The following C5orf24 variants were observed in gnomAD, a reference collection of about 807,000 sequenced individuals.
The protein encoded by C5orf24 is chromosome 5 open reading frame 24.
C5orf24 carries 4 observed loss-of-function variants against 9.8 expected under a neutral mutation model. The observed-to-expected ratio is 0.41, with a 90% CI of 0.20 to 0.93. C5orf24 has a LOEUF of 0.93. Among genes scored for constraint, C5orf24 ranks in the 40% least tolerant of loss-of-function variants. The probability of loss-of-function intolerance (pLI) is 0.33; values close to 1 mark genes in which losing one functional copy is unlikely to be tolerated. For synonymous variants in C5orf24, 73 were observed against 81.3 expected, an observed-to-expected ratio of 0.90 and a Z score of 0.55; for missense variants, 170 against 236.9, an observed-to-expected ratio of 0.72 and a Z score of 1.85.
rs552406540 is a variant in C5orf24, at chr5:134,857,346, T to A, written c.*1879T>A. 240 of 1,545,740 alleles carry A rather than the reference T, an allele frequency of 1.6e-4. 1 individual carries two copies. The African/African-American group carries it at 2.9e-3, about 19-fold the overall frequency. ...GCAAATGGATGTCATGTTTCATACCTTTTTTATCAGGAAAAAAGCAGCAAG... is the reference window on the plus strand; with the variant it reads ...GCAAATGGATGTCATGTTTCATACCATTTTTATCAGGAAAAAAGCAGCAAG... On this transcript the variant is annotated 3_prime_UTR_variant, in exon 2 of 2. Coordinates refer to ENST00000394976, the MANE Select transcript of C5orf24 (RefSeq NM_001135586.1).
chr5:134,847,192 G>A (rs1457770046), intron 1 of C5orf24, among the ~76,000 whole-genome samples: 1 of 152,228 alleles, frequency 6.6e-6, no homozygotes, highest in African/African-American at 2.4e-5. Flanking sequence ...AGGATGGTAA[G>A]TTTTAGCTTA....
At chr5:134,837,253 G>A in the C5orf24 span, among the ~76,000 whole-genome samples, 6 of 152,172 alleles carry the variant, frequency 3.9e-5, no homozygotes, top group Non-Finnish European at 8.8e-5. Flanking sequence ...GACTATAGGC[G>A]TGAGCCACTG....
chr5:134,856,398 T>C lies in C5orf24; in HGVS notation c.*931T>C. The C allele has an allele frequency of 1.2e-6, 1 of 835,730 alleles. No individual in the cohort carries two copies. The highest frequency in any genetic ancestry group is 1.5e-6 in the Non-Finnish European group (1 of 680,296). The allele number at this position is 835,730 out of a possible 1,614,324, so 51.8% of individuals were successfully genotyped here. A position where few individuals can be genotyped will look rare whatever the true frequency, so the allele number is the denominator to read the frequency against. On this transcript the variant is annotated 3_prime_UTR_variant, in exon 2 of 2. Transcript: ENST00000394976. ...GTGTGGTGGCTCACACCCAGCACTT[T>C]GGGAGGCCGAGGCAGGCGGATCACT...
upstream of C5orf24, among the ~76,000 whole-genome samples, chr5:134,844,840 C>T (rs1362100372): frequency 6.6e-6 from 1 of 152,188 alleles, no homozygotes; most frequent in African/African-American, 2.4e-5. Context: ...TGGGTTCAAG[C>T]GATCCTCCTG....
the C5orf24 span, among the ~76,000 whole-genome samples, chr5:134,839,117 C>T: frequency 6.6e-6 from 1 of 151,758 alleles, no homozygotes; most frequent in Non-Finnish European, 1.5e-5. Context: ...TGGAGGATCC[C>T]CTGAGCCTGG....
At chr5:134,854,709 T>C (rs981594152) in intron 1 of C5orf24, among the ~76,000 whole-genome samples, 189 bp from the exon 2 acceptor site, 58 of 152,176 alleles carry the variant, frequency 3.8e-4, no homozygotes, top group African/African-American at 1.3e-3. Flanking sequence ...CATGATTAAA[T>C]TGAGAAGAAG....
In C5orf24 at chr5:134,857,159, A is replaced by C; in HGVS notation, c.*1692A>C. ...ATATTATAAACTTCAGACTTGAAAA[A>C]ATTCCACTTAACTTTAAAGTTACAA... On this transcript the variant is annotated 3_prime_UTR_variant, in exon 2 of 2. Transcript: ENST00000394976. 7.6e-7 allele frequency: 1 copy of C among 1,319,166 alleles called. No homozygotes were observed. Among genetic ancestry groups the C allele is most frequent in the African/African-American group, 1.5e-5 (1 of 66,968 alleles). The allele number at this position is 1,319,166 out of a possible 1,614,324, so 81.7% of individuals were successfully genotyped here.
upstream of C5orf24, among the ~76,000 whole-genome samples, chr5:134,841,507 AACCC>A (rs1015768912): frequency 1.8e-4 from 27 of 152,188 alleles, no homozygotes; most frequent in African/African-American, 6.3e-4. Flanking sequence ...GAATCGCTTG[AACCC>A]GGGAGGTGGA....
At chr5:134,853,360 T>TA (rs397884485) in intron 1 of C5orf24, among the ~76,000 whole-genome samples, 6,434 of 76,882 alleles carry the variant, frequency 0.084, 369 homozygotes, top group East Asian at 0.39. Flanking sequence ...AAACTCCACC[T>TA]AAAAAAAAAA....
upstream of C5orf24, among the ~76,000 whole-genome samples, chr5:134,843,694 T>C (rs964962826): frequency 1.5e-4 from 23 of 152,184 alleles, no homozygotes; most frequent in Non-Finnish European, 2.9e-4. Context: ...GTAACTGGGA[T>C]TTAGCGACAT....
chr5:134,850,770 C>G (rs1756135113), intron 1 of C5orf24, among the ~76,000 whole-genome samples: 1 of 151,854 alleles, frequency 6.6e-6, no homozygotes, highest in African/African-American at 2.4e-5. Flanking sequence ...AGTCACCATG[C>G]CCAGCCGCAC....
the C5orf24 span, among the ~76,000 whole-genome samples, chr5:134,835,509 T>TG: frequency 1.3e-5 from 2 of 152,062 alleles, no homozygotes; most frequent in Admixed American, 1.3e-4. Context: ...TAGTAGGGCA[T>TG]GGTGGCATAC....
chr5:134,838,073 C>A, the C5orf24 span, among the ~76,000 whole-genome samples: 1 of 151,994 alleles, frequency 6.6e-6, no homozygotes, highest in Non-Finnish European at 1.5e-5. Context: ...ATAGGGAGAC[C>A]CCGTCTGTAT....
Position 134,858,713 on chromosome 5 carries a change from A to G in C5orf24, c.*3246A>G, listed in dbSNP as rs916958747. On this transcript the variant is annotated 3_prime_UTR_variant, in exon 2 of 2. Transcript: ENST00000394976. ...ACAGATGAAATTTTCATTTTTTGACAGATATAACCTTGCATAAGTAGTATT... is the reference window on the plus strand; with the variant it reads ...ACAGATGAAATTTTCATTTTTTGACGGATATAACCTTGCATAAGTAGTATT... The G allele has an allele frequency of 1.8e-5, 3 of 167,024 alleles. No homozygotes were observed. The highest frequency in any genetic ancestry group is 7.2e-5 in the African/African-American group (3 of 41,458). The allele number at this position is 167,024 out of a possible 1,614,324, so 10.3% of individuals were successfully genotyped here.
At chr5:134,853,461 A>T (rs949242231) in intron 1 of C5orf24, among the ~76,000 whole-genome samples, 10 of 144,312 alleles carry the variant, frequency 6.9e-5, no homozygotes, top group Middle Eastern at 6.9e-3. Context: ...TCCTTTATAT[A>T]AAAAAAAAAA....
chr5:134,854,764 A>G (rs187442957), intron 1 of C5orf24, 134 bp from the exon 2 acceptor site: 13 of 827,582 alleles, frequency 1.6e-5, no homozygotes, highest in Admixed American at 1.4e-4. Flanking sequence ...AGTGGTCTGG[A>G]GTCCTGCCTG....
chr5:134,843,675 G>A (rs1755932777), upstream of C5orf24, among the ~76,000 whole-genome samples: 1 of 152,192 alleles, frequency 6.6e-6, no homozygotes, highest in Admixed American at 6.5e-5. Context: ...TCTTGCCTCA[G>A]CCTCCCGAGT....
At chr5:134,851,676 A>T (rs1400703955) in intron 1 of C5orf24, among the ~76,000 whole-genome samples, 1 of 152,170 alleles carries the variant, frequency 6.6e-6, no homozygotes, top group Non-Finnish European at 1.5e-5. Flanking sequence ...TTGAATCATC[A>T]AAAGTCATAT....
the C5orf24 span, among the ~76,000 whole-genome samples, chr5:134,835,168 T>C: frequency 2.0e-5 from 3 of 152,138 alleles, no homozygotes; most frequent in African/African-American, 7.2e-5. Flanking sequence ...ATCACGCCAG[T>C]GCACTCCGGC....
Sources: allele counts gnomAD v4.1 joint callset (sites outside exome capture counted in the v4.1 genomes callset), GRCh38; gene constraint gnomAD v4.1.1; transcripts MANE v1.5; gene names NCBI Gene and HGNC (gene_info 2026-07-23, HGNC 2026-07-21).